ZNF652: variants seen among roughly 807,000 people sequenced by gnomAD.
ZNF652 encodes zinc finger protein 652.
ZNF652 carries 16 observed loss-of-function variants against 45.2 expected under a neutral mutation model. The observed-to-expected ratio is 0.35, with a 90% CI of 0.24 to 0.54. ZNF652 has a LOEUF of 0.54. Among genes scored for constraint, ZNF652 ranks in the 20% least tolerant of loss-of-function variants. The probability of loss-of-function intolerance (pLI) is 0.91; values close to 1 mark genes in which losing one functional copy is unlikely to be tolerated. For synonymous variants in ZNF652, 250 were observed against 260.6 expected (o/e 0.96, Z 0.39); for missense variants, 614 against 765.6 (o/e 0.80, Z 2.34).
At chr17:49,344,156 G>A (rs567114199) in intron 1 of ZNF652, among the ~76,000 whole-genome samples, 5 of 151,776 alleles carry the variant, frequency 3.3e-5, no homozygotes, top group African/African-American at 4.8e-5. Flanking sequence ...AGCCGAGATC[G>A]TGCCACTGCA....
downstream of ZNF652, among the ~76,000 whole-genome samples, chr17:49,288,986 C>T (rs765314049): frequency 6.6e-6 from 1 of 152,176 alleles, no homozygotes; most frequent in Non-Finnish European, 1.5e-5. Context: ...ACTAATCACT[C>T]TGCCTTTGGT....
intron 1 of ZNF652, among the ~76,000 whole-genome samples, chr17:49,321,598 C>A (rs2069893904): frequency 6.6e-6 from 1 of 151,940 alleles, no homozygotes; most frequent in Admixed American, 6.6e-5. Context: ...GCCACTGAGA[C>A]CTTGCATTGT....
chr17:49,327,636 T>C (rs2069969119), intron 1 of ZNF652, among the ~76,000 whole-genome samples: 1 of 148,992 alleles, frequency 6.7e-6, no homozygotes, highest in Non-Finnish European at 1.5e-5. Flanking sequence ...CTCAGCACTT[T>C]GGGAGGCTGA....
intron 2 of ZNF652, among the ~76,000 whole-genome samples, chr17:49,313,231 C>T (rs1483518424): frequency 2.0e-5 from 3 of 152,190 alleles, no homozygotes; most frequent in Admixed American, 2.0e-4. Flanking sequence ...TCTAGGCTCA[C>T]TGCAACCTCC....
chr17:49,339,799 C>T (rs929767303), intron 1 of ZNF652, among the ~76,000 whole-genome samples: 1 of 152,212 alleles, frequency 6.6e-6, no homozygotes, highest in African/African-American at 2.4e-5. Flanking sequence ...TCCTGCCACA[C>T]GACCAAACGA....
chr17:49,308,903 T>C (rs540454882), intron 5 of ZNF652, among the ~76,000 whole-genome samples: 62 of 151,828 alleles, frequency 4.1e-4, no homozygotes, highest in Non-Finnish European at 8.4e-4. Flanking sequence ...CAAAGACGAA[T>C]ACTCAACATA....
At chr17:49,325,936 TC>T (rs1371527902) in intron 1 of ZNF652, among the ~76,000 whole-genome samples, 2 of 152,202 alleles carry the variant, frequency 1.3e-5, no homozygotes, top group Admixed American at 1.3e-4. Context: ...ACTATGGTGT[TC>T]CACAGATTTA....
intron 5 of ZNF652, among the ~76,000 whole-genome samples, chr17:49,305,153 T>C (rs1383144674): frequency 6.6e-6 from 1 of 152,176 alleles, no homozygotes; most frequent in African/African-American, 2.4e-5. Context: ...TACCCTTTGA[T>C]ACTACTGATA....
At chr17:49,331,352 A>AC (rs1296240345) in intron 1 of ZNF652, among the ~76,000 whole-genome samples, 1 of 151,972 alleles carries the variant, frequency 6.6e-6, no homozygotes, top group African/African-American at 2.4e-5. Flanking sequence ...CGATCTCCTG[A>AC]CCTCGTGATC....
intron 1 of ZNF652, among the ~76,000 whole-genome samples, chr17:49,327,766 TATATA>T (rs2069977642): frequency 1.7e-4 from 1 of 5,902 alleles, no homozygotes; most frequent in African/African-American, 8.7e-4. Context: ...TATATATATA[TATATA>T]TATATATATT....
chr17:49,332,697 T>A (rs1328251211), intron 1 of ZNF652, among the ~76,000 whole-genome samples: 1 of 152,150 alleles, frequency 6.6e-6, no homozygotes, highest in Non-Finnish European at 1.5e-5. Flanking sequence ...CTCAGGCTGG[T>A]CTCAAACTCC....
At chr17:49,311,092 T>G (rs1180012945) in intron 5 of ZNF652, among the ~76,000 whole-genome samples, 3 of 152,152 alleles carry the variant, frequency 2.0e-5, no homozygotes, top group Admixed American at 2.0e-4. Context: ...GAGCTCAAAG[T>G]AAAAAGGCAC....
At position 49,323,807 on chromosome 17, in the gene ZNF652, A is replaced by G. The variant is rs373303742; in HGVS notation, c.-258-5824T>C. ...AATCTTTTTTTCTGAGCAGTAGGTT[A>G]TAACAGTGGGCTTAAAATATTCAGT... is the stretch of plus-strand genomic sequence containing the variant. On this transcript the variant is annotated intron_variant, in intron 1 of 5. Coordinates refer to ENST00000430262, the MANE Select transcript of ZNF652 (RefSeq NM_001145365.3). 2.0e-4 allele frequency among the ~76,000 whole-genome samples: 30 copies of G among 152,342 alleles called. No homozygotes were observed. The East Asian group carries it at 2.9e-3, about 15-fold the overall frequency.
intron 5 of ZNF652, among the ~76,000 whole-genome samples, chr17:49,303,309 C>T (rs908139616): frequency 3.7e-5 from 5 of 134,942 alleles, no homozygotes; most frequent in Non-Finnish European, 7.6e-5. Context: ...GGTGTGATCT[C>T]GGCTCACTGC....
chr17:49,327,063 G>C (rs1347559299), intron 1 of ZNF652, among the ~76,000 whole-genome samples: 1 of 151,944 alleles, frequency 6.6e-6, no homozygotes, highest in East Asian at 1.9e-4. Context: ...TGAAACGCTT[G>C]GTAAATTCTA....
intron 5 of ZNF652, among the ~76,000 whole-genome samples, chr17:49,308,112 TATG>T (rs1244418688): frequency 6.6e-6 from 1 of 152,174 alleles, no homozygotes; most frequent in Non-Finnish European, 1.5e-5. Flanking sequence ...CTCTTGGTGG[TATG>T]ATTTTACTTT....
At chr17:49,318,151 C>T (rs2143804021) in intron 1 of ZNF652, among the ~76,000 whole-genome samples, 168 bp from the exon 2 acceptor site, 1 of 152,294 alleles carries the variant, frequency 6.6e-6, no homozygotes, top group South Asian at 2.1e-4. Flanking sequence ...AATCTTGGCT[C>T]ACTGCAACCT....
intron 1 of ZNF652, among the ~76,000 whole-genome samples, chr17:49,348,529 G>GAAAAGAAAAGAA (rs2070235491): frequency 1.4e-5 from 2 of 144,010 alleles, no homozygotes; most frequent in Non-Finnish European, 3.0e-5. Context: ...GAAAAGAAAA[G>GAAAAGAAAAGAA]AAAAGAAAAG....
At chr17:49,328,952 G>A (rs939261188) in intron 1 of ZNF652, among the ~76,000 whole-genome samples, 2 of 152,186 alleles carry the variant, frequency 1.3e-5, no homozygotes, top group Non-Finnish European at 2.9e-5. Flanking sequence ...GTCTCCTACT[G>A]AGTTAATGGT....
Sources: allele counts gnomAD v4.1 joint callset (sites outside exome capture counted in the v4.1 genomes callset), GRCh38; gene constraint gnomAD v4.1.1; transcripts MANE v1.5; gene names NCBI Gene and HGNC (gene_info 2026-07-23, HGNC 2026-07-21).